TRIML1: variants seen among roughly 807,000 people sequenced by gnomAD.
The protein encoded by TRIML1 is tripartite motif family like 1.
Under a neutral mutation model 32.3 loss-of-function variants are expected in TRIML1, and 34 were observed. The ratio of observed to expected loss-of-function variants is 1.05; its 90% confidence interval spans 0.80 to 1.40. The LOEUF (loss-of-function observed/expected upper bound fraction) is 1.40, where lower values mean the gene tolerates loss of function less well. TRIML1 is among the 40% of genes most tolerant of loss of function. The probability of loss-of-function intolerance (pLI) is 0.00; values close to 1 mark genes in which losing one functional copy is unlikely to be tolerated. For missense variants in TRIML1, 595 were observed against 574.9 expected, an observed-to-expected ratio of 1.03 and a Z score of -0.36; for synonymous variants, 244 against 226.6, an observed-to-expected ratio of 1.08 and a Z score of -0.69.
intron 2 of TRIML1, among the ~76,000 whole-genome samples, chr4:188,141,165 G>GTTCTTTTTTTTTTT (rs1734838480): frequency 8.4e-6 from 1 of 118,822 alleles, no homozygotes; most frequent in Non-Finnish European, 1.7e-5. Context: ...TTTGAAATCT[G>GTTCTTTTTTTTTTT]TTTTTTTTTT....
chr4:188,144,303 A>G (rs1268068533), intron 5 of TRIML1, among the ~76,000 whole-genome samples, 170 bp downstream of exon 5: 1 of 151,764 alleles, frequency 6.6e-6, no homozygotes, highest in African/African-American at 2.4e-5. Flanking sequence ...GAGCGTGAGC[A>G]GAGAGAAGCA....
upstream of TRIML1, among the ~76,000 whole-genome samples, chr4:188,137,916 C>CTTTT (rs1298700958): frequency 0.18 from 23,515 of 131,158 alleles, 2,638 homozygotes; most frequent in Middle Eastern, 0.3. Flanking sequence ...CCTGGCCAAA[C>CTTTT]TTTTTTTCTT....
At chr4:188,146,795 G>GAAAT in intron 5 of TRIML1, 27 bp from the exon 6 acceptor site, 1 of 1,345,532 alleles carries the variant, frequency 7.4e-7, no homozygotes, top group Non-Finnish European at 9.6e-7. Context: ...ATGCCCAAGG[G>GAAAT]AAATCTCTTC....
chr4:188,139,597 A>G lies in TRIML1; in HGVS notation c.39A>G (p.Glu13=). ...ATCTGATGGAGAACCTCAGGGAGGA[A>G]CTCACCTGTTTCATCTGCTTAGACT... The part of the protein sequence containing the change: ...TADLMENLRE[E]LTCFICLDYF... The change falls in exon 1 of 6, where the codon GAA becomes GAG. Residue 13 remains glutamate, a synonymous_variant. Transcript: ENST00000332517. The G allele has an allele frequency of 6.2e-7, 1 of 1,606,250 alleles. No individual in the cohort carries two copies. The highest frequency in any genetic ancestry group is 8.5e-7 in the Non-Finnish European group (1 of 1,175,292).
chr4:188,148,189 T>C (rs563061080), downstream of TRIML1, among the ~76,000 whole-genome samples: 63 of 152,198 alleles, frequency 4.1e-4, no homozygotes, highest in South Asian at 6.2e-3. Flanking sequence ...CCTACCCTCT[T>C]CTTATCTCAA....
rs1040336480 is a variant in TRIML1 at position 188,146,720 on chromosome 4, A to T, written c.857-102A>T. 5.0e-6 allele frequency: 5 copies of T among 1,004,846 alleles called. No individual in the cohort carries two copies. The African/African-American group carries it at 5.0e-5, about 10-fold the overall frequency. 62.2% of individuals were successfully genotyped at this position (1,004,846 alleles called of 1,614,324 possible). On this transcript the variant is annotated intron_variant, in intron 5 of 5. Coordinates refer to ENST00000332517, the MANE Select transcript of TRIML1 (RefSeq NM_178556.5). ...TCACGCCCGGCCCCAAATTACATTT[A>T]AAAAACCAGGACTAAATACTAAGAA...
downstream of TRIML1, among the ~76,000 whole-genome samples, chr4:188,149,633 T>A (rs1010309845): frequency 9.2e-5 from 14 of 152,166 alleles, no homozygotes; most frequent in African/African-American, 3.4e-4. Flanking sequence ...CTCAAGAGTC[T>A]GGGAAATGCT....
At chr4:188,143,935 G>C (rs1160022537) in intron 4 of TRIML1, 75 bp downstream of exon 4, 1 of 1,608,776 alleles carries the variant, frequency 6.2e-7, no homozygotes, top group African/African-American at 1.3e-5. Flanking sequence ...AGTGGGGATA[G>C]GAGGTCTGCG....
At chr4:188,143,694 T>C in intron 3 of TRIML1, 144 bp from the exon 4 acceptor site, 1 of 965,094 alleles carries the variant, frequency 1.0e-6, no homozygotes, top group Admixed American at 1.9e-5. Flanking sequence ...TGGGGACGCT[T>C]TTCTCTGCTC....
rs374336691 is a variant in TRIML1 at position 188,144,683 on chromosome 4, G to C, written c.856+550G>C. ...AGCCAATCCTAGTCCTTTCTTTGTT[G>C]GTTTTGTCATTGTCTTTTCCATCCC... On this transcript the variant is annotated intron_variant, in intron 5 of 5. Coordinates refer to ENST00000332517, the MANE Select transcript of TRIML1 (RefSeq NM_178556.5). Among the ~76,000 whole-genome samples, 8 of 151,898 alleles carry C rather than the reference G, an allele frequency of 5.3e-5. No individual in the cohort carries two copies. The East Asian group carries it at 1.6e-3, about 29-fold the overall frequency.
chr4:188,142,418 G>A lies in TRIML1; in HGVS notation c.671G>A (p.Ser224Asn), dbSNP rs1734896880. The change falls in exon 3 of 6, where the codon AGC becomes AAC. Residue 224 changes from serine (S) to asparagine (N), a missense_variant. Ser to Asn is a conservative substitution (Grantham distance 46). Transcript: ENST00000332517. ...ATCAAACTGACCCAGCAAATCAGAA[G>A]CCTAAGCAAAATGATCGCACAGATT... is the stretch of plus-strand genomic sequence containing the variant. ...NEIKLTQQIR[S>N]LSKMIAQIES... 4 of 1,613,842 alleles carry A rather than the reference G, an allele frequency of 2.5e-6. No individual in the cohort carries two copies. The highest frequency in any genetic ancestry group is 3.4e-6 in the Non-Finnish European group (4 of 1,179,996).
upstream of TRIML1, chr4:188,139,348 A>G (rs1734757205): frequency 5.9e-6 from 3 of 506,380 alleles, no homozygotes; most frequent in African/African-American, 1.9e-5. Context: ...GGAGCCCAGT[A>G]TACAGGAGTT....
At chr4:188,145,478 T>TAAAAAAAA (rs1735040954) in intron 5 of TRIML1, among the ~76,000 whole-genome samples, 3 of 11,046 alleles carry the variant, frequency 2.7e-4, no homozygotes, top group Admixed American at 9.3e-4. Flanking sequence ...AAAAAAAAAG[T>TAAAAAAAA]CAGAAATGGA....
At chr4:188,148,891 C>G (rs983138708), downstream of TRIML1, among the ~76,000 whole-genome samples, 2 of 142,766 alleles carry the variant, frequency 1.4e-5, no homozygotes, top group East Asian at 2.2e-4. Flanking sequence ...TGTGAGCCAC[C>G]GTGCCCAGGC....
At chr4:188,144,495 T>C (rs1043904373) in intron 5 of TRIML1, among the ~76,000 whole-genome samples, 110 of 144,798 alleles carry the variant, frequency 7.6e-4, no homozygotes, top group Middle Eastern at 3.7e-3. Context: ...CCCGAGTAGC[T>C]GGGACTACAG....
At position 188,139,719 on chromosome 4, in the gene TRIML1, C is replaced by G; in HGVS notation, c.161C>G (p.Pro54Arg). The change falls in exon 1 of 6, where the codon CCT becomes CGT. Residue 54 changes from proline (P) to arginine (R), a missense_variant. Transcript: ENST00000332517. ...GAACATAACACACCTTTATCTTGTC[C>G]TGAGTGCTGGAGGACCTTGGAGGGC... is the stretch of plus-strand genomic sequence containing the variant. ...WEEHNTPLSC[P>R]ECWRTLEGPH... 1 of 1,614,056 alleles carries G rather than the reference C, an allele frequency of 6.2e-7. No homozygotes were observed. Among genetic ancestry groups the G allele is most frequent in the East Asian group, 2.2e-5 (1 of 44,854 alleles).
intron 5 of TRIML1, among the ~76,000 whole-genome samples, chr4:188,144,416 G>A (rs1398677003): frequency 6.7e-6 from 1 of 150,022 alleles, no homozygotes; most frequent in African/African-American, 2.5e-5. Flanking sequence ...GGGCTGGAGC[G>A]CAGGGGCGCG....
In TRIML1 at chr4:188,144,051, G is replaced by C; in HGVS notation, c.774G>C (p.Leu258Phe). 2 of 1,614,070 alleles carry C rather than the reference G, an allele frequency of 1.2e-6. No individual in the cohort carries two copies. The highest frequency in any genetic ancestry group is 1.7e-6 in the Non-Finnish European group (2 of 1,179,996). The change falls in exon 5 of 6, where the codon TTG becomes TTC. Residue 258 changes from leucine to phenylalanine, a missense_variant. By Grantham distance (22) the Leu-to-Phe change is conservative (BLOSUM62 0). Transcript: ENST00000332517. ...TCTCTTGCAGGAGCGAGCCACTCTT[G>C]CTTCAGTGTCCAGAGGCCACCACCA... The part of the protein sequence containing the change: ...RGALERSEPL[L>F]LQCPEATTTE...
rs903933184 is a variant in TRIML1 at position 188,147,033 on chromosome 4, C to T, written c.1068C>T (p.Gly356=). 2 of 1,608,224 alleles carry T rather than the reference C, an allele frequency of 1.2e-6. No homozygotes were observed. The highest frequency in any genetic ancestry group is 1.7e-6 in the Non-Finnish European group (2 of 1,176,864). The change falls in exon 6 of 6, where the codon GGC becomes GGT. Residue 356 remains glycine (G), a synonymous_variant. Transcript: ENST00000332517. ...EVGNKTEWEV[G]ICKDSVSRKG... The stretch of plus-strand genomic sequence containing the variant: ...GAAACAAGACCGAGTGGGAAGTGGG[C>T]ATCTGCAAGGACTCTGTGAGCAGAA...
Sources: gnomAD v4.1 joint callset for allele counts (sites outside exome capture counted in the v4.1 genomes callset) on GRCh38, gnomAD v4.1.1 for gene constraint, MANE v1.5 for transcripts, NCBI Gene and HGNC (gene_info 2026-07-23, HGNC 2026-07-21) for gene names.